WWP2: variants seen among roughly 807,000 people sequenced by gnomAD.
WWP2 encodes WW domain containing E3 ubiquitin protein ligase 2, also known as NEDD4-like E3 ubiquitin-protein ligase WWP2.
Under a neutral mutation model 121.0 loss-of-function variants are expected in WWP2, and 57 were observed. The observed-to-expected ratio is 0.47, with a 90% CI of 0.38 to 0.59. The LOEUF (loss-of-function observed/expected upper bound fraction) is 0.59, where lower values mean the gene tolerates loss of function less well. Ranked by LOEUF, WWP2 falls within the 20% of genes least tolerant of loss-of-function variation. The pLI is 0.00. For missense variants in WWP2, 962 were observed against 1,158.9 expected (o/e 0.83, Z 2.47); for synonymous variants, 449 against 441.3 (o/e 1.02, Z -0.22).
At chr16:69,770,137 CA>C (rs2055386089) in intron 1 of WWP2, among the ~76,000 whole-genome samples, 1 of 152,178 alleles carries the variant, frequency 6.6e-6, no homozygotes, top group African/African-American at 2.4e-5. Context: ...GCTGAGATTA[CA>C]GGTGTGAGCC....
chr16:69,866,051 C>T (rs531034136), intron 6 of WWP2, among the ~76,000 whole-genome samples: 28 of 152,216 alleles, frequency 1.8e-4, no homozygotes, highest in African/African-American at 6.5e-4. Flanking sequence ...TCTCTGACCT[C>T]GCATCTCATC....
At position 69,925,337 on chromosome 16, in the gene WWP2, A is replaced by G. The variant is rs1597169724; in HGVS notation, c.1180-93A>G. ...TGCAAAGCGCTCAAATGTGGAAGCC[A>G]GTCATTGGCATTTTTATTTTTTATT... is the stretch of plus-strand genomic sequence containing the variant. On this transcript the variant is annotated intron_variant, in intron 10 of 23. Coordinates refer to ENST00000359154, the MANE Select transcript of WWP2 (RefSeq NM_001270454.2). This position sits in a 1 kb window ranked among gnomAD's most constrained non-coding sequence, Gnocchi z 4.0. 1 of 1,566,942 alleles carries G rather than the reference A, an allele frequency of 6.4e-7. No homozygotes were observed. The highest frequency in any genetic ancestry group is 1.4e-5 in the African/African-American group (1 of 73,738).
chr16:69,899,646 T>C (rs1229741820), intron 8 of WWP2, among the ~76,000 whole-genome samples: 1 of 147,294 alleles, frequency 6.8e-6, no homozygotes, highest in African/African-American at 2.5e-5. Context: ...AGGGAATTGC[T>C]TGAACCCGGG....
intron 8 of WWP2, among the ~76,000 whole-genome samples, chr16:69,901,248 C>A (rs1203327595): frequency 6.6e-6 from 1 of 152,178 alleles, no homozygotes; most frequent in Non-Finnish European, 1.5e-5. Context: ...GCATAGAATA[C>A]AAAAATGTGA....
rs140980306 is a variant in WWP2 at position 69,937,155 on chromosome 16, G to A, written c.2155G>A (p.Glu719Lys). The change falls in exon 20 of 24, where the codon GAG (glutamate) becomes AAG (lysine). Residue 719 changes from glutamate to lysine, a missense_variant. Coordinates refer to ENST00000359154, the MANE Select transcript of WWP2 (RefSeq NM_001270454.2). This position sits in a 1 kb window ranked among gnomAD's most constrained non-coding sequence, Gnocchi z 6.6. ...TDWRFTRGVE[E>K]QTKAFLDGFN... ...CTGGCGTTTCACCCGAGGCGTGGAAGAGCAGACCAAAGCCTTCCTGGATGG... is the reference window on the plus strand; with the variant it reads ...CTGGCGTTTCACCCGAGGCGTGGAAAAGCAGACCAAAGCCTTCCTGGATGG... 6.8e-6 allele frequency: 11 copies of A among 1,614,030 alleles called. No individual in the cohort carries two copies. The highest frequency in any genetic ancestry group is 9.3e-6 in the Non-Finnish European group (11 of 1,180,004).
chr16:69,771,217 AG>A, intron 1 of WWP2, among the ~76,000 whole-genome samples: 1 of 152,220 alleles, frequency 6.6e-6, no homozygotes, highest in East Asian at 1.9e-4. Flanking sequence ...TCTGATGTGT[AG>A]TTGTTTTCTC....
chr16:69,838,966 T>A (rs1398436620), intron 4 of WWP2: 1 of 811,932 alleles, frequency 1.2e-6, no homozygotes, highest in Admixed American at 6.9e-5. Flanking sequence ...AAGGGTTGTA[T>A]CTGTAGAGGG....
At chr16:69,933,264 G>C in intron 16 of WWP2, 1 of 391,576 alleles carries the variant, frequency 2.6e-6, no homozygotes, top group Non-Finnish European at 5.3e-6. Context: ...TCCCCTTGCT[G>C]GTTTAGCTCA....
intron 4 of WWP2, among the ~76,000 whole-genome samples, chr16:69,839,683 A>C (rs1373460892): frequency 2.0e-5 from 3 of 152,276 alleles, no homozygotes; most frequent in Non-Finnish European, 4.4e-5. Flanking sequence ...AAATAAGAAA[A>C]GAATAAGCCC....
intron 8 of WWP2, among the ~76,000 whole-genome samples, chr16:69,899,120 G>T: frequency 6.6e-6 from 1 of 152,162 alleles, no homozygotes; most frequent in Admixed American, 6.5e-5. Context: ...GCCTTTTATT[G>T]TACAAGAGTT....
chr16:69,847,080 T>G (rs985637885), intron 6 of WWP2, among the ~76,000 whole-genome samples: 4 of 146,094 alleles, frequency 2.7e-5, no homozygotes, highest in Admixed American at 6.7e-5. Context: ...CTTTTTATTA[T>G]TTATTTATTT....
Position 69,937,427 on chromosome 16 carries a change from A to G in WWP2, c.2239-121A>G. On this transcript the variant is annotated intron_variant, in intron 20 of 23. Coordinates refer to ENST00000359154, the MANE Select transcript of WWP2 (RefSeq NM_001270454.2). The surrounding 1 kb of genome is among the most constrained non-coding windows in gnomAD (Gnocchi z 6.6). ...GAAAGCAGGGACTTACATTACCCAT[A>G]TTATTAACGCTGACACCAAAAATAG... The G allele has an allele frequency of 7.4e-7, 1 of 1,351,036 alleles. No homozygotes were observed. Among genetic ancestry groups the G allele is most frequent in the Non-Finnish European group, 1.0e-6 (1 of 976,846 alleles). The allele number at this position is 1,351,036 out of a possible 1,614,324, so 83.7% of individuals were successfully genotyped here. A position where few individuals can be genotyped will look rare whatever the true frequency, so the allele number is the denominator to read the frequency against.
chr16:69,831,595 TTGC>T (rs1013709270), intron 4 of WWP2, among the ~76,000 whole-genome samples: 132 of 152,328 alleles, frequency 8.7e-4, no homozygotes, highest in African/African-American at 2.7e-3. Context: ...TGACTCATCC[TTGC>T]TGCACGTACA....
chr16:69,816,953 T>A (rs1222030526), intron 4 of WWP2, among the ~76,000 whole-genome samples: 1 of 152,222 alleles, frequency 6.6e-6, no homozygotes, highest in Non-Finnish European at 1.5e-5. Flanking sequence ...TTCTCAGAGT[T>A]AGGATTTAAC....
At chr16:69,854,843 G>A (rs1038115674) in intron 6 of WWP2, among the ~76,000 whole-genome samples, 2 of 152,096 alleles carry the variant, frequency 1.3e-5, no homozygotes, top group East Asian at 1.9e-4. Flanking sequence ...GGGCCACCGC[G>A]CCTAGCCTCT....
chr16:69,773,233 C>T (rs1357368022), intron 1 of WWP2, among the ~76,000 whole-genome samples: 5 of 151,900 alleles, frequency 3.3e-5, no homozygotes, highest in Non-Finnish European at 5.9e-5. Flanking sequence ...GGCTGGAGTG[C>T]AATGGCACAA....
At chr16:69,930,316 T>C in intron 13 of WWP2, 58 bp downstream of exon 13, 1 of 1,596,826 alleles carries the variant, frequency 6.3e-7, no homozygotes, top group Non-Finnish European at 8.5e-7. Flanking sequence ...GCTGTCCTTG[T>C]TCTGGCTCTG....
At chr16:69,912,918 CAAAACAAAAAAAAAAAAAAAAAAAAAAAA>C (rs2058405928) in intron 9 of WWP2, among the ~76,000 whole-genome samples, 1 of 31,790 alleles carries the variant, frequency 3.1e-5, no homozygotes, top group African/African-American at 1.2e-4. Context: ...CCAGTCTCTA[CAAAACAAAAAAAAAAAAAAAAAAAAAAAA>C]AAAAAAAAAT....
chr16:69,834,058 C>T (rs2056834717), intron 4 of WWP2, among the ~76,000 whole-genome samples: 1 of 152,214 alleles, frequency 6.6e-6, no homozygotes, highest in Non-Finnish European at 1.5e-5. Context: ...TGTACCTCAG[C>T]CCTTCTCCTG....
Sources: gnomAD v4.1 joint callset for allele counts (sites outside exome capture counted in the v4.1 genomes callset) on GRCh38, gnomAD v4.1.1 for gene constraint, Gnocchi (gnomAD v3.1) non-coding constraint, MANE v1.5 for transcripts, NCBI Gene and HGNC (gene_info 2026-07-23, HGNC 2026-07-21) for gene names.